NRXN3: variants seen among roughly 807,000 people sequenced by gnomAD.
NRXN3 encodes neurexin III.
In NRXN3, 32 loss-of-function variants were observed where a neutral mutation model predicts 137.6. The ratio of observed to expected loss-of-function variants is 0.23; its 90% CI spans 0.18 to 0.31. NRXN3 has a LOEUF of 0.31. NRXN3 is among the 10% of genes least tolerant of loss of function. NRXN3 has a pLI of 1.00. For synonymous variants in NRXN3, 798 were observed against 784.5 expected (o/e 1.02, Z -0.29); for missense variants, 1,574 against 2,062.5 (o/e 0.76, Z 4.59).
chr14:79,276,879 C>T (rs1053917203), intron 15 of NRXN3, among the ~76,000 whole-genome samples: 2 of 152,124 alleles, frequency 1.3e-5, no homozygotes, highest in Non-Finnish European at 2.9e-5. Flanking sequence ...TCACTGAGTT[C>T]GTTCATTCAG....
intron 15 of NRXN3, among the ~76,000 whole-genome samples, chr14:79,220,129 G>A (rs2069292242): frequency 6.6e-6 from 1 of 152,048 alleles, no homozygotes; most frequent in Admixed American, 6.6e-5. Flanking sequence ...TTATTTCTTA[G>A]TTTCACATCT....
chr14:79,580,332 G>A (rs1240552020), intron 16 of NRXN3, among the ~76,000 whole-genome samples: 2 of 152,030 alleles, frequency 1.3e-5, no homozygotes, highest in African/African-American at 2.4e-5. Context: ...GGTGGATGGA[G>A]TATTTTATCA....
chr14:79,487,337 G>A (rs191490171), intron 16 of NRXN3, among the ~76,000 whole-genome samples: 1 of 151,106 alleles, frequency 6.6e-6, no homozygotes, highest in African/African-American at 2.4e-5. Flanking sequence ...ACATGTTCTT[G>A]TGCTACATGT....
intron 15 of NRXN3, among the ~76,000 whole-genome samples, chr14:79,465,036 A>C (rs2153610362): frequency 6.6e-6 from 1 of 152,328 alleles, no homozygotes; most frequent in Admixed American, 6.5e-5. Flanking sequence ...TATATTTAGG[A>C]TAGAAAAGTA....
intron 19 of NRXN3, among the ~76,000 whole-genome samples, chr14:79,772,963 CA>C (rs1568199530): frequency 6.6e-6 from 1 of 152,014 alleles, no homozygotes; most frequent in Non-Finnish European, 1.5e-5. Flanking sequence ...AAAAAGTGGG[CA>C]AAGGATATGA....
intron 16 of NRXN3, among the ~76,000 whole-genome samples, chr14:79,480,775 C>T (rs767272886): frequency 2.0e-4 from 31 of 152,112 alleles, no homozygotes; most frequent in Non-Finnish European, 4.0e-4. Flanking sequence ...ATAGAGTTCT[C>T]ATAAGATCTG....
At position 79,269,043 on chromosome 14, in the gene NRXN3, C is replaced by CTTATTTTATTTTATT. The variant is rs71131690; in HGVS notation, c.3263-198170_3263-198156dup. 6.1e-3 allele frequency among the ~76,000 whole-genome samples: 912 copies of CTTATTTTATTTTATT among 150,336 alleles called. 6 individuals carry two copies. The highest frequency in any genetic ancestry group is 0.027 in the Middle Eastern group (8 of 292). On this transcript the variant is annotated intron_variant, in intron 15 of 20. Coordinates refer to ENST00000335750, the MANE Select transcript of NRXN3 (RefSeq NM_001330195.2). ...ATTTTCTTACTAAATTTTTATTTTT[C>CTTATTTTATTTTATT]TTATTTTATTTTATTTTATTTTTTG...
chr14:79,069,330 G>T (rs1383492625), intron 15 of NRXN3, among the ~76,000 whole-genome samples: 8 of 151,950 alleles, frequency 5.3e-5, no homozygotes, highest in Non-Finnish European at 1.2e-4. Flanking sequence ...TTAATACTAA[G>T]CCCACACCCA....
chr14:79,015,011 C>A (rs2099576946), intron 15 of NRXN3, among the ~76,000 whole-genome samples: 2 of 152,164 alleles, frequency 1.3e-5, no homozygotes, highest in South Asian at 2.1e-4. Context: ...TGTCTTCCCA[C>A]ATCCACTGTC....
chr14:79,484,088 C>T (rs537652119), intron 16 of NRXN3, among the ~76,000 whole-genome samples: 17 of 152,246 alleles, frequency 1.1e-4, no homozygotes, highest in African/African-American at 2.6e-4. Flanking sequence ...CCACTGGTCA[C>T]GAACCGGATC....
chr14:79,169,661 G>C (rs999262146), intron 15 of NRXN3, among the ~76,000 whole-genome samples: 3 of 152,060 alleles, frequency 2.0e-5, no homozygotes, highest in African/African-American at 7.2e-5. Flanking sequence ...ATTTTGTCCT[G>C]TATGCCCATA....
intron 4 of NRXN3, among the ~76,000 whole-genome samples, chr14:78,522,009 A>G (rs1406871484): frequency 1.3e-5 from 2 of 152,200 alleles, no homozygotes; most frequent in Non-Finnish European, 2.9e-5. Context: ...TCATACTTCA[A>G]TAAAATATTT....
intron 15 of NRXN3, among the ~76,000 whole-genome samples, chr14:79,052,845 A>C (rs76575435): frequency 0.094 from 14,237 of 152,142 alleles, 2,049 homozygotes; most frequent in African/African-American, 0.31. Flanking sequence ...CTTTTTTGCA[A>C]TGGCTCTCAT....
chr14:79,278,029 C>A (rs2080574807), intron 15 of NRXN3, among the ~76,000 whole-genome samples: 1 of 152,172 alleles, frequency 6.6e-6, no homozygotes, highest in African/African-American at 2.4e-5. Context: ...TTCCTCAACA[C>A]CTCCTTGGGG....
At chr14:79,123,916 G>A (rs765301559) in intron 15 of NRXN3, among the ~76,000 whole-genome samples, 7 of 152,188 alleles carry the variant, frequency 4.6e-5, no homozygotes, top group Admixed American at 2.0e-4. Flanking sequence ...CTGCTTATTC[G>A]TCTCTTTGTT....
At chr14:79,562,820 A>G (rs981522671) in intron 16 of NRXN3, among the ~76,000 whole-genome samples, 1 of 152,226 alleles carries the variant, frequency 6.6e-6, no homozygotes, top group Admixed American at 6.6e-5. Flanking sequence ...AAATAAAAAA[A>G]TGAATTAAAA....
intron 19 of NRXN3, among the ~76,000 whole-genome samples, chr14:79,733,155 G>A (rs1050280770): frequency 6.6e-6 from 1 of 152,108 alleles, no homozygotes; most frequent in Non-Finnish European, 1.5e-5. Flanking sequence ...AAGGGAAGAT[G>A]GAAGTGACAG....
chr14:78,536,066 G>C (rs1040654115), intron 4 of NRXN3, among the ~76,000 whole-genome samples: 1 of 152,136 alleles, frequency 6.6e-6, no homozygotes, highest in South Asian at 2.1e-4. Context: ...TGGCATGACA[G>C]TTGTGGTCAG....
At chr14:79,543,169 A>G (rs556914006) in intron 16 of NRXN3, among the ~76,000 whole-genome samples, 1 of 152,310 alleles carries the variant, frequency 6.6e-6, no homozygotes, top group African/African-American at 2.4e-5. Flanking sequence ...AACACATGCC[A>G]GTTGTCATCT....
Sources: allele counts gnomAD v4.1 joint callset (sites outside exome capture counted in the v4.1 genomes callset), GRCh38; gene constraint gnomAD v4.1.1; transcripts MANE v1.5; gene names NCBI Gene and HGNC (gene_info 2026-07-23, HGNC 2026-07-21).